PAAF1: variants seen among roughly 807,000 people sequenced by gnomAD.
PAAF1 encodes proteasomal ATPase associated factor 1.
PAAF1 carries 46 observed loss-of-function variants against 52.8 expected under a neutral mutation model. The observed-to-expected ratio is 0.87, with a 90% confidence interval of 0.69 to 1.11. The LOEUF is 1.11. PAAF1 is among the 50% of genes most tolerant of loss of function. The probability of loss-of-function intolerance (pLI) is 0.00; values close to 1 mark genes in which losing one functional copy is unlikely to be tolerated. For missense variants in PAAF1, 424 were observed against 477.4 expected (o/e 0.89, Z 1.04); for synonymous variants, 178 against 172.8 (o/e 1.03, Z -0.24).
intron 6 of PAAF1, among the ~76,000 whole-genome samples, chr11:73,906,658 TG>T (rs1310645019): frequency 6.6e-6 from 1 of 152,236 alleles, no homozygotes; most frequent in African/African-American, 2.4e-5. Context: ...GACCCTAAAT[TG>T]GCTACTTTTT....
intron 7 of PAAF1, among the ~76,000 whole-genome samples, chr11:73,910,904 C>T (rs560111105): frequency 6.7e-6 from 1 of 149,032 alleles, no homozygotes; most frequent in South Asian, 2.1e-4. Context: ...GCAGGAGAAT[C>T]GTGTGAACCT....
At chr11:73,916,929 A>G (rs1289954588) in intron 9 of PAAF1, among the ~76,000 whole-genome samples, 1 of 152,166 alleles carries the variant, frequency 6.6e-6, no homozygotes, top group Non-Finnish European at 1.5e-5. Flanking sequence ...ATTTAAATTG[A>G]TTGTCTAGAA....
At chr11:73,891,915 A>C (rs1949212721) in intron 4 of PAAF1, among the ~76,000 whole-genome samples, 1 of 152,212 alleles carries the variant, frequency 6.6e-6, no homozygotes, top group African/African-American at 2.4e-5. Context: ...GGTCTTTGTG[A>C]TATAAAGCCT....
At chr11:73,884,749 C>CT (rs1484751970) in intron 2 of PAAF1, among the ~76,000 whole-genome samples, 12 of 152,364 alleles carry the variant, frequency 7.9e-5, no homozygotes, top group African/African-American at 2.9e-4. Context: ...CTACCCTAGA[C>CT]TTTGAGTTTC....
chr11:73,899,515 G>A (rs1450018970), intron 5 of PAAF1, among the ~76,000 whole-genome samples: 1 of 149,308 alleles, frequency 6.7e-6, no homozygotes. Context: ...GGGTTCAAGC[G>A]ATTCTTGTGC....
chr11:73,877,531 G>A (rs539435873), intron 1 of PAAF1, among the ~76,000 whole-genome samples: 2 of 152,284 alleles, frequency 1.3e-5, no homozygotes, highest in South Asian at 4.1e-4. Flanking sequence ...CCCCATACTG[G>A]ATGCTTGGTG....
rs763617103 is a variant in PAAF1 at position 73,900,398 on chromosome 11, G to A, written c.510G>A (p.Val170=). The change falls in exon 6 of 12, where the codon GTG becomes GTA. Residue 170 remains valine, a synonymous_variant. Transcript: ENST00000310571. ...IWSAEDASCV[V]TFKGHKGGIL... is the part of the protein sequence containing the mutation. ...CAGCTGAAGATGCTAGCTGCGTGGT[G>A]ACCTTCAAAGGTCACAAAGGAGGTA... 9 of 1,610,790 alleles carry A rather than the reference G, an allele frequency of 5.6e-6. No individual in the cohort carries two copies. The highest frequency in any genetic ancestry group is 6.8e-6 in the Non-Finnish European group (8 of 1,177,782).
chr11:73,916,749 T>C, intron 9 of PAAF1, 89 bp downstream of exon 9: 1 of 810,422 alleles, frequency 1.2e-6, no homozygotes, highest in East Asian at 2.6e-5. Context: ...AGCATATAGA[T>C]AACTATTGAA....
At chr11:73,883,681 T>TGTGGAA (rs1948980033) in intron 2 of PAAF1, among the ~76,000 whole-genome samples, 1 of 151,782 alleles carries the variant, frequency 6.6e-6, no homozygotes. Context: ...CACACCCGGG[T>TGTGGAA]AATTTTTGTA....
intron 2 of PAAF1, among the ~76,000 whole-genome samples, chr11:73,885,674 T>G (rs952183750): frequency 6.6e-6 from 1 of 151,276 alleles, no homozygotes; most frequent in Non-Finnish European, 1.5e-5. Flanking sequence ...AAACCCCGTC[T>G]CTACTAAAAA....
chr11:73,898,832 C>CAAAT (rs148347769), intron 4 of PAAF1, among the ~76,000 whole-genome samples: 28 of 151,526 alleles, frequency 1.8e-4, no homozygotes, highest in African/African-American at 5.6e-4. Flanking sequence ...AACAAACAAA[C>CAAAT]AAATAAATAA....
chr11:73,926,666 G>GTCATTGGC, intron 11 of PAAF1, among the ~76,000 whole-genome samples: 2 of 152,260 alleles, frequency 1.3e-5, no homozygotes, highest in Middle Eastern at 6.8e-3. Context: ...CCAAGATGGC[G>GTCATTGGC]TCACTGCACT....
intron 6 of PAAF1, among the ~76,000 whole-genome samples, chr11:73,906,940 A>C (rs1565142438): frequency 1.3e-5 from 2 of 152,212 alleles, no homozygotes; most frequent in Non-Finnish European, 2.9e-5. Context: ...ATGGGTTTTA[A>C]TGAAACAAAT....
chr11:73,923,454 A>AT (rs1461760904), intron 10 of PAAF1, among the ~76,000 whole-genome samples: 1 of 152,188 alleles, frequency 6.6e-6, no homozygotes, highest in Non-Finnish European at 1.5e-5. Flanking sequence ...TGAATGGTAG[A>AT]TTAGGGGTGA....
intron 4 of PAAF1, among the ~76,000 whole-genome samples, chr11:73,892,898 G>A (rs1356082722): frequency 6.6e-6 from 1 of 152,114 alleles, no homozygotes; most frequent in Admixed American, 6.6e-5. Flanking sequence ...CTGACCTTGT[G>A]ATCCGCCCAC....
intron 4 of PAAF1, among the ~76,000 whole-genome samples, chr11:73,896,626 G>C (rs528236677): frequency 6.6e-6 from 1 of 152,144 alleles, no homozygotes; most frequent in East Asian, 1.9e-4. Context: ...TAAGGTCACC[G>C]ATCAACAGGA....
intron 4 of PAAF1, among the ~76,000 whole-genome samples, chr11:73,893,926 A>C (rs1214223681): frequency 6.6e-6 from 1 of 151,772 alleles, no homozygotes; most frequent in Non-Finnish European, 1.5e-5. Context: ...AGGTATGGTG[A>C]TGTACATCTG....
chr11:73,895,933 C>A (rs1949336218), intron 4 of PAAF1, among the ~76,000 whole-genome samples: 1 of 152,042 alleles, frequency 6.6e-6, no homozygotes, highest in Admixed American at 6.6e-5. Flanking sequence ...ATAGGGGGAC[C>A]CCATCTCTCC....
Position 73,911,559 on chromosome 11 carries a change from T to C in PAAF1, c.727+1966T>C, listed in dbSNP as rs142578559. ...TTCCCATTTACTCTTCAACCCATTC[T>C]AGGATGGTTTGTGCCCAAGTACTTG... On this transcript the variant is annotated intron_variant, in intron 7 of 11. Coordinates refer to ENST00000310571, the MANE Select transcript of PAAF1 (RefSeq NM_025155.3). 3.1e-3 allele frequency among the ~76,000 whole-genome samples: 472 copies of C among 152,168 alleles called. 3 individuals are homozygous for C. Among genetic ancestry groups the C allele is most frequent in the African/African-American group, 0.011 (440 of 41,512 alleles).
Sources: allele counts gnomAD v4.1 joint callset (sites outside exome capture counted in the v4.1 genomes callset), GRCh38; gene constraint gnomAD v4.1.1; transcripts MANE v1.5; gene names NCBI Gene and HGNC (gene_info 2026-07-23, HGNC 2026-07-21).